Variants in MAF observed in about 807,000 individuals in gnomAD.
MAF encodes transcription factor Maf.
MAF carries 10 observed loss-of-function variants against 22.0 expected under a neutral mutation model. The observed-to-expected ratio is 0.45, with a 90% CI of 0.28 to 0.77. MAF has a LOEUF of 0.77. MAF is among the 30% of genes least tolerant of loss of function. MAF has a pLI of 0.12. For synonymous variants in MAF, 337 were observed against 255.8 expected, an observed-to-expected ratio of 1.32 and a Z score of -3.03; for missense variants, 544 against 548.4, an observed-to-expected ratio of 0.99 and a Z score of 0.08.
At chr16:79,371,129 ATTTT>A in the MAF span, among the ~76,000 whole-genome samples, 5 of 148,464 alleles carry the variant, frequency 3.4e-5, no homozygotes, top group Non-Finnish European at 7.5e-5. Flanking sequence ...ATTCATTCAC[ATTTT>A]TTTTTTTTTG....
the MAF span, among the ~76,000 whole-genome samples, chr16:79,311,547 A>G: frequency 0.2 from 30,845 of 151,276 alleles, 4,733 homozygotes; most frequent in East Asian, 0.63. Flanking sequence ...CTTTCACTGC[A>G]GGCTTTGGAT....
the MAF span, chr16:79,212,730 T>C: frequency 4.0e-5 from 6 of 151,842 alleles, no homozygotes; most frequent in East Asian, 1.9e-4. Flanking sequence ...TTTTCATTTT[T>C]TAGAAAAGAA....
the MAF span, among the ~76,000 whole-genome samples, chr16:79,357,640 T>TGG: frequency 6.6e-6 from 1 of 152,132 alleles, no homozygotes; most frequent in Non-Finnish European, 1.5e-5. Context: ...TCATGTGGGT[T>TGG]GGGACCATGG....
At chr16:79,460,257 T>A in the MAF span, among the ~76,000 whole-genome samples, 2 of 152,304 alleles carry the variant, frequency 1.3e-5, no homozygotes, top group South Asian at 4.1e-4. Context: ...TTTTCCGGAT[T>A]GGGCATTATG....
chr16:79,473,186 C>T, the MAF span, among the ~76,000 whole-genome samples: 21,986 of 152,120 alleles, frequency 0.14, 1,877 homozygotes, highest in Non-Finnish European at 0.19. Context: ...GGAGGAACAG[C>T]CACAGGCAGT....
the MAF span, among the ~76,000 whole-genome samples, chr16:79,313,502 T>C: frequency 2.2e-4 from 34 of 152,146 alleles, no homozygotes; most frequent in Non-Finnish European, 2.1e-4. Context: ...ACTGTTCCCA[T>C]CACCCAAAGA....
chr16:79,395,447 G>A, the MAF span, among the ~76,000 whole-genome samples: 2 of 152,172 alleles, frequency 1.3e-5, no homozygotes, highest in African/African-American at 4.8e-5. Context: ...CTTTGGAGTT[G>A]TAGTGAGTCA....
the MAF span, among the ~76,000 whole-genome samples, chr16:79,428,955 C>A: frequency 1.3e-5 from 2 of 152,058 alleles, no homozygotes; most frequent in African/African-American, 2.4e-5. Context: ...CGGTGATGGA[C>A]AGGGCAACGG....
At chr16:79,572,634 C>T in the MAF span, among the ~76,000 whole-genome samples, 1 of 152,142 alleles carries the variant, frequency 6.6e-6, no homozygotes, top group Non-Finnish European at 1.5e-5. Flanking sequence ...ATGCCAAATG[C>T]CAGGCACTGA....
At chr16:79,363,466 G>A in the MAF span, among the ~76,000 whole-genome samples, 3,334 of 152,252 alleles carry the variant, frequency 0.022, 152 homozygotes, top group East Asian at 0.19. Flanking sequence ...TGTATAATAT[G>A]TTGTTTAATA....
At chr16:79,272,442 T>C in the MAF span, among the ~76,000 whole-genome samples, 1 of 152,222 alleles carries the variant, frequency 6.6e-6, no homozygotes. Context: ...TGCGTGTGAC[T>C]CTACGGCCAA....
chr16:79,526,671 C>A, the MAF span, among the ~76,000 whole-genome samples: 51 of 152,114 alleles, frequency 3.4e-4, no homozygotes, highest in African/African-American at 7.5e-4. Context: ...ACAACAACAA[C>A]AAAAAACAAA....
At chr16:79,350,548 C>T in the MAF span, among the ~76,000 whole-genome samples, 1 of 152,208 alleles carries the variant, frequency 6.6e-6, no homozygotes, top group East Asian at 1.9e-4. Context: ...TGACTGCGTA[C>T]TCAACAGTAA....
chr16:79,304,713 T>G, the MAF span, among the ~76,000 whole-genome samples: 1 of 152,172 alleles, frequency 6.6e-6, no homozygotes, highest in East Asian at 1.9e-4. Flanking sequence ...TAATCATACA[T>G]ATTTTGTTTC....
chr16:79,575,597 T>C, the MAF span, among the ~76,000 whole-genome samples: 2 of 152,112 alleles, frequency 1.3e-5, no homozygotes, highest in Non-Finnish European at 2.9e-5. Context: ...CCAGGGGTGA[T>C]GGTGGGAATA....
chr16:79,504,060 T>G, the MAF span, among the ~76,000 whole-genome samples: 1 of 152,170 alleles, frequency 6.6e-6, no homozygotes, highest in Non-Finnish European at 1.5e-5. Flanking sequence ...GTTCTTCCAC[T>G]CATGTTCTTT....
the MAF span, among the ~76,000 whole-genome samples, chr16:79,542,422 C>T: frequency 6.6e-6 from 1 of 152,158 alleles, no homozygotes; most frequent in Non-Finnish European, 1.5e-5. Flanking sequence ...AGCTTCCAGG[C>T]TGGTGTCTCC....
At chr16:79,213,283 G>C in the MAF span, among the ~76,000 whole-genome samples, 35 of 150,276 alleles carry the variant, frequency 2.3e-4, 1 homozygote, top group Non-Finnish European at 4.7e-4. Flanking sequence ...CTGCATCTGT[G>C]GTGCAGAGCA....
the MAF span, among the ~76,000 whole-genome samples, chr16:79,209,592 C>G: frequency 3.3e-5 from 5 of 152,178 alleles, no homozygotes; most frequent in South Asian, 2.1e-4. Flanking sequence ...CTTGGCCACT[C>G]TGGTCGTTTT....
Sources: gnomAD v4.1 joint callset for allele counts (sites outside exome capture counted in the v4.1 genomes callset) on GRCh38, gnomAD v4.1.1 for gene constraint, MANE v1.5 for transcripts, NCBI Gene and HGNC (gene_info 2026-07-23, HGNC 2026-07-21) for gene names.